NRXN3: variants seen among roughly 807,000 people sequenced by gnomAD.
NRXN3 encodes neurexin III.
A neutral mutation model predicts 137.6 loss-of-function variants in NRXN3; 32 were observed. That is an observed-to-expected ratio of 0.23 (90% CI 0.18 to 0.31). NRXN3 has a LOEUF of 0.31. Ranked by LOEUF, NRXN3 falls within the 10% of genes least tolerant of loss-of-function variation. The probability of loss-of-function intolerance (pLI) is 1.00; values close to 1 mark genes in which losing one functional copy is unlikely to be tolerated. For missense variants in NRXN3, 1,574 were observed against 2,062.5 expected, an observed-to-expected ratio of 0.76 and a Z score of 4.59; for synonymous variants, 798 against 784.5, an observed-to-expected ratio of 1.02 and a Z score of -0.29.
chr14:78,837,493 T>G (rs215506), intron 10 of NRXN3, among the ~76,000 whole-genome samples: 113,422 of 146,142 alleles, frequency 0.78, 44,990 homozygotes, highest in Non-Finnish European at 0.89. Flanking sequence ...TTTTTGTGGG[T>G]TTTTTTTTTT....
intron 4 of NRXN3, among the ~76,000 whole-genome samples, chr14:78,340,142 A>T (rs191416738): frequency 2.4e-3 from 369 of 152,298 alleles, no homozygotes; most frequent in Admixed American, 3.8e-3. Context: ...TCAAAAGCAT[A>T]GTTTGCATCT....
intron 4 of NRXN3, among the ~76,000 whole-genome samples, chr14:78,524,849 T>G (rs1023334894): frequency 1.3e-5 from 2 of 152,086 alleles, no homozygotes; most frequent in African/African-American, 4.8e-5. Flanking sequence ...CACATTAACC[T>G]GAGATGGTGG....
At chr14:78,780,801 G>GTA (rs2098766446) in intron 8 of NRXN3, among the ~76,000 whole-genome samples, 1 of 152,180 alleles carries the variant, frequency 6.6e-6, no homozygotes, top group African/African-American at 2.4e-5. Context: ...CATTCTGACA[G>GTA]TATTAAGTGT....
intron 15 of NRXN3, among the ~76,000 whole-genome samples, chr14:79,399,433 G>A (rs769192433): frequency 6.6e-6 from 1 of 152,122 alleles, no homozygotes; most frequent in African/African-American, 2.4e-5. Context: ...TTTACAGAGT[G>A]TGTATCATGA....
chr14:78,700,738 T>C (rs1254564311), intron 6 of NRXN3, among the ~76,000 whole-genome samples: 30 of 152,148 alleles, frequency 2.0e-4, no homozygotes, highest in Non-Finnish European at 7.4e-5. Flanking sequence ...CTTTATAGTA[T>C]CCTTAATGCT....
intron 6 of NRXN3, among the ~76,000 whole-genome samples, chr14:78,695,150 T>G (rs778844048): frequency 3.3e-5 from 5 of 151,920 alleles, no homozygotes; most frequent in Non-Finnish European, 5.9e-5. Flanking sequence ...CATATTCACA[T>G]CATCTCTCTG....
chr14:78,622,509 T>G (rs1268881079), intron 4 of NRXN3, among the ~76,000 whole-genome samples: 1 of 152,208 alleles, frequency 6.6e-6, no homozygotes, highest in Non-Finnish European at 1.5e-5. Flanking sequence ...ATCAGAGGAT[T>G]CTTCTCTCTT....
intron 16 of NRXN3, among the ~76,000 whole-genome samples, chr14:79,571,600 G>A (rs924920001): frequency 1.9e-4 from 29 of 152,212 alleles, no homozygotes; most frequent in Admixed American, 7.9e-4. Context: ...TTGATCTAGC[G>A]GAGTCCATAG....
At chr14:79,123,183 C>G (rs2055754937) in intron 15 of NRXN3, among the ~76,000 whole-genome samples, 2 of 151,930 alleles carry the variant, frequency 1.3e-5, no homozygotes, top group South Asian at 2.1e-4. Flanking sequence ...CCAGATGGAG[C>G]TACAATGAAA....
chr14:79,315,457 C>T (rs1195880784), intron 15 of NRXN3, among the ~76,000 whole-genome samples: 2 of 152,068 alleles, frequency 1.3e-5, no homozygotes, highest in African/African-American at 2.4e-5. Context: ...GTTTAAACAG[C>T]CTTTACAGAA....
intron 20 of NRXN3, among the ~76,000 whole-genome samples, chr14:79,828,394 C>T (rs35152678): frequency 0.31 from 46,513 of 151,560 alleles, 7,818 homozygotes; most frequent in Admixed American, 0.43. Flanking sequence ...CTGAGGTGGG[C>T]GGATCACCTG....
intron 15 of NRXN3, among the ~76,000 whole-genome samples, chr14:79,348,821 A>G (rs916808047): frequency 2.6e-5 from 4 of 152,184 alleles, no homozygotes; most frequent in Non-Finnish European, 5.9e-5. Context: ...TGCATGATCA[A>G]TTACTGCAGA....
chr14:79,427,575 G>A (rs1277350569), intron 15 of NRXN3, among the ~76,000 whole-genome samples: 1 of 152,148 alleles, frequency 6.6e-6, no homozygotes, highest in Non-Finnish European at 1.5e-5. Flanking sequence ...CACTTTGGGA[G>A]GCCAAGGTGG....
chr14:78,884,692 A>G (rs1424013842), intron 10 of NRXN3, among the ~76,000 whole-genome samples: 1 of 152,234 alleles, frequency 6.6e-6, no homozygotes, highest in Non-Finnish European at 1.5e-5. Flanking sequence ...ATATTAATAC[A>G]TTCTCTTTAA....
intron 15 of NRXN3, among the ~76,000 whole-genome samples, chr14:79,021,036 A>C (rs2099588804): frequency 6.6e-6 from 1 of 152,188 alleles, no homozygotes; most frequent in African/African-American, 2.4e-5. Context: ...GTTTAGATTC[A>C]GGTAATACCA....
intron 16 of NRXN3, among the ~76,000 whole-genome samples, chr14:79,606,140 C>T (rs905469287): frequency 2.6e-5 from 4 of 152,170 alleles, no homozygotes; most frequent in African/African-American, 9.7e-5. Context: ...GTTTTGTTAC[C>T]TCCGGATAAA....
At chr14:79,205,791 G>A (rs780718686) in intron 15 of NRXN3, among the ~76,000 whole-genome samples, 2 of 152,108 alleles carry the variant, frequency 1.3e-5, no homozygotes, top group African/African-American at 4.8e-5. Context: ...AGCATGCAGA[G>A]GGATATATAG....
At chr14:78,830,677 G>A (rs971363327) in intron 10 of NRXN3, among the ~76,000 whole-genome samples, 20 of 151,264 alleles carry the variant, frequency 1.3e-4, no homozygotes, top group Admixed American at 2.6e-4. Flanking sequence ...TAATAAAATA[G>A]TATTTAGGAG....
At chr14:78,532,333 A>T (rs12891666) in intron 4 of NRXN3, among the ~76,000 whole-genome samples, 1 of 150,038 alleles carries the variant, frequency 6.7e-6, no homozygotes, top group South Asian at 2.1e-4. Flanking sequence ...AAAGAAAAAA[A>T]AAAAGAAAAG....
Sources: gnomAD v4.1 joint callset for allele counts (sites outside exome capture counted in the v4.1 genomes callset) on GRCh38, gnomAD v4.1.1 for gene constraint, MANE v1.5 for transcripts, NCBI Gene and HGNC (gene_info 2026-07-23, HGNC 2026-07-21) for gene names.